Variants in CHCHD3 observed in about 807,000 individuals in gnomAD.
CHCHD3 encodes the protein coiled-coil-helix-coiled-coil-helix domain containing 3.
CHCHD3 carries 20 observed loss-of-function variants against 38.2 expected under a neutral mutation model. That is an observed-to-expected ratio of 0.52 (90% CI 0.37 to 0.76). The LOEUF (loss-of-function observed/expected upper bound fraction) is 0.76, where lower values mean the gene tolerates loss of function less well. CHCHD3 is among the 30% of genes least tolerant of loss of function. The probability of loss-of-function intolerance (pLI) is 0.00; values close to 1 mark genes in which losing one functional copy is unlikely to be tolerated. For missense variants in CHCHD3, 245 were observed against 279.2 expected (o/e 0.88, Z 0.87); for synonymous variants, 82 against 100.0 (o/e 0.82, Z 1.07).
intron 3 of CHCHD3, among the ~76,000 whole-genome samples, chr7:132,984,017 CGG>C (rs1278368153): frequency 6.9e-6 from 1 of 144,836 alleles, no homozygotes; most frequent in Admixed American, 6.8e-5. Context: ...CCTCTCCCCA[CGG>C]TCTCCCTCTC....
At chr7:133,017,739 A>G (rs755019113) in intron 3 of CHCHD3, among the ~76,000 whole-genome samples, 27 of 152,228 alleles carry the variant, frequency 1.8e-4, no homozygotes, top group Non-Finnish European at 2.5e-4. Flanking sequence ...CTCAAACAGG[A>G]TTTACAACAG....
In CHCHD3 at chr7:132,832,713, A is replaced by G. The variant is rs140818860; in HGVS notation, c.524+5686T>C. On this transcript the variant is annotated intron_variant, in intron 6 of 7. Coordinates refer to ENST00000262570, the MANE Select transcript of CHCHD3 (RefSeq NM_017812.4). ...TATTTGCTTTTCTATTTTAAAAACA[A>G]TTCACATGCATAAACACTCTGGTAA... Among the ~76,000 whole-genome samples, 444 of 152,336 alleles carry G rather than the reference A, an allele frequency of 2.9e-3. 1 individual carries two copies. The highest frequency in any genetic ancestry group is 0.01 in the African/African-American group (424 of 41,566).
At chr7:133,024,511 C>T in intron 3 of CHCHD3, 35 bp downstream of exon 3, 2 of 1,459,254 alleles carry the variant, frequency 1.4e-6, no homozygotes, top group Non-Finnish European at 1.9e-6. Context: ...ATGACAAAAC[C>T]CACCAAAACC....
intron 7 of CHCHD3, among the ~76,000 whole-genome samples, chr7:132,793,132 G>A (rs1417749597): frequency 2.6e-5 from 4 of 152,148 alleles, no homozygotes; most frequent in Non-Finnish European, 4.4e-5. Context: ...TGTAAGGTAG[G>A]TGGTGTGCAT....
intron 5 of CHCHD3, among the ~76,000 whole-genome samples, chr7:132,857,137 G>A (rs754931317): frequency 5.3e-5 from 8 of 152,178 alleles, no homozygotes; most frequent in African/African-American, 1.2e-4. Flanking sequence ...AAGTACCTGC[G>A]ATGCAAAGCT....
intron 3 of CHCHD3, among the ~76,000 whole-genome samples, chr7:133,017,122 T>C (rs1482146807): frequency 6.6e-6 from 1 of 152,118 alleles, no homozygotes; most frequent in Non-Finnish European, 1.5e-5. Context: ...AAGAAGAAAA[T>C]AGGCTGACAC....
chr7:132,898,268 CTCT>C (rs1809560232), intron 4 of CHCHD3, among the ~76,000 whole-genome samples: 1 of 152,146 alleles, frequency 6.6e-6, no homozygotes, highest in Admixed American at 6.5e-5. Flanking sequence ...CTTTTATATT[CTCT>C]TTTCTGGCCC....
intron 6 of CHCHD3, among the ~76,000 whole-genome samples, chr7:132,814,447 T>C (rs1807148996): frequency 6.6e-6 from 1 of 152,238 alleles, no homozygotes. Flanking sequence ...CATTTTCAAA[T>C]GGTCTTAAAT....
chr7:132,842,111 A>AT (rs1334091498), intron 5 of CHCHD3, among the ~76,000 whole-genome samples: 25 of 151,432 alleles, frequency 1.7e-4, no homozygotes, highest in Non-Finnish European at 3.4e-4. Flanking sequence ...AAAAAAAAAA[A>AT]TTTTTTTTAA....
At chr7:132,854,955 T>C (rs1585574800) in intron 5 of CHCHD3, among the ~76,000 whole-genome samples, 2 of 152,178 alleles carry the variant, frequency 1.3e-5, no homozygotes, top group East Asian at 3.9e-4. Flanking sequence ...AAGCAAATAT[T>C]GTTAGGAATC....
intron 2 of CHCHD3, among the ~76,000 whole-genome samples, chr7:133,027,158 C>G (rs376025564): frequency 6.6e-6 from 1 of 151,780 alleles, no homozygotes; most frequent in Non-Finnish European, 1.5e-5. Flanking sequence ...AGGCTGGTCT[C>G]GAACTCCTGA....
At chr7:132,819,647 C>T (rs1176911260) in intron 6 of CHCHD3, among the ~76,000 whole-genome samples, 2 of 152,194 alleles carry the variant, frequency 1.3e-5, no homozygotes, top group African/African-American at 4.8e-5. Flanking sequence ...ATGCCACTTA[C>T]ATTGTCATAA....
chr7:132,948,136 T>C (rs1216567238), intron 4 of CHCHD3, among the ~76,000 whole-genome samples: 1 of 152,134 alleles, frequency 6.6e-6, no homozygotes, highest in Non-Finnish European at 1.5e-5. Flanking sequence ...GTTTTGGGAT[T>C]TCCTTCTTTG....
In CHCHD3 at chr7:132,828,709, A is replaced by G. The variant is rs190813196; in HGVS notation, c.524+9690T>C. 5.3e-5 allele frequency among the ~76,000 whole-genome samples: 8 copies of G among 152,190 alleles called. No individual in the cohort carries two copies. In the South Asian group the frequency reaches 1.7e-3, roughly 31 times the overall value. On this transcript the variant is annotated intron_variant, in intron 6 of 7. Coordinates refer to ENST00000262570, the MANE Select transcript of CHCHD3 (RefSeq NM_017812.4). The stretch of plus-strand genomic sequence containing the variant: ...AGTGAATGGGCAGCTAAATACATTC[A>G]TAAGTTAATTATCTGACTGAAACCA...
chr7:132,886,579 T>A (rs1585605317), intron 4 of CHCHD3, among the ~76,000 whole-genome samples: 1 of 151,814 alleles, frequency 6.6e-6, no homozygotes, highest in East Asian at 1.9e-4. Context: ...TATTTTTTGC[T>A]CAGTGAATGC....
At chr7:132,864,546 C>G (rs1398299288) in intron 5 of CHCHD3, among the ~76,000 whole-genome samples, 1 of 152,134 alleles carries the variant, frequency 6.6e-6, no homozygotes, top group Non-Finnish European at 1.5e-5. Context: ...AAAAATGGCA[C>G]TAATCAACTT....
chr7:132,967,257 A>T (rs1453839867), intron 4 of CHCHD3, among the ~76,000 whole-genome samples: 4 of 152,188 alleles, frequency 2.6e-5, no homozygotes, highest in Non-Finnish European at 1.5e-5. Context: ...GTTGCCAAGA[A>T]CATCAATAGC....
At chr7:132,946,641 T>C (rs7787392) in intron 4 of CHCHD3, among the ~76,000 whole-genome samples, 34,356 of 151,690 alleles carry the variant, frequency 0.23, 4,061 homozygotes, top group South Asian at 0.27. Context: ...ATAAATATAT[T>C]GGTTTATAAT....
chr7:133,050,341 A>T (rs934922410), intron 2 of CHCHD3, among the ~76,000 whole-genome samples: 2 of 31,088 alleles, frequency 6.4e-5, no homozygotes, highest in African/African-American at 1.8e-4. Flanking sequence ...GCTGTGTCTT[A>T]AAAAAAAAAA....
Sources: allele counts gnomAD v4.1 joint callset (sites outside exome capture counted in the v4.1 genomes callset), GRCh38; gene constraint gnomAD v4.1.1; transcripts MANE v1.5; gene names NCBI Gene and HGNC (gene_info 2026-07-23, HGNC 2026-07-21).